Variants in RBFOX1 observed in about 807,000 individuals in gnomAD.
The protein encoded by RBFOX1 is RNA binding protein fox-1 homolog 1.
A neutral mutation model predicts 57.7 loss-of-function variants in RBFOX1; 8 were observed. The ratio of observed to expected loss-of-function variants is 0.14; its 90% CI spans 0.08 to 0.25. The LOEUF (loss-of-function observed/expected upper bound fraction) is 0.25. Among genes scored for constraint, RBFOX1 ranks in the 10% least tolerant of loss-of-function variants. RBFOX1 has a pLI of 1.00. For missense variants in RBFOX1, 611 were observed against 548.5 expected, an observed-to-expected ratio of 1.11 and a Z score of -1.14; for synonymous variants, 326 against 222.4, an observed-to-expected ratio of 1.47 and a Z score of -4.15.
At chr16:6,664,089 A>G (rs8054162) in intron 3 of RBFOX1, among the ~76,000 whole-genome samples, 82,416 of 151,960 alleles carry the variant, frequency 0.54, 22,871 homozygotes, top group African/African-American at 0.64. Flanking sequence ...TTTGTCTTAT[A>G]GAGTCTACTT....
chr16:5,315,196 C>G (rs899104558), intron 1 of RBFOX1, among the ~76,000 whole-genome samples: 4 of 152,070 alleles, frequency 2.6e-5, no homozygotes, highest in East Asian at 1.9e-4. Context: ...GGCTCTGTAC[C>G]GGAGGGAAGA....
chr16:7,440,128 T>A (rs2098755107), intron 4 of RBFOX1, among the ~76,000 whole-genome samples: 1 of 151,926 alleles, frequency 6.6e-6, no homozygotes, highest in African/African-American at 2.4e-5. Flanking sequence ...ACTCCTGGGC[T>A]CAAGAGACCT....
At chr16:5,341,544 T>C (rs1800459707) in intron 1 of RBFOX1, among the ~76,000 whole-genome samples, 1 of 152,064 alleles carries the variant, frequency 6.6e-6, no homozygotes, top group Admixed American at 6.6e-5. Context: ...ATTCCCTGAG[T>C]TTTTTTATTT....
intron 1 of RBFOX1, among the ~76,000 whole-genome samples, chr16:5,290,384 G>A (rs2063504248): frequency 6.6e-6 from 1 of 152,096 alleles, no homozygotes; most frequent in African/African-American, 2.4e-5. Flanking sequence ...GGGCTTAGTG[G>A]GAGGAGGAAA....
intron 4 of RBFOX1, among the ~76,000 whole-genome samples, chr16:7,218,563 A>G (rs993564967): frequency 2.6e-5 from 4 of 151,688 alleles, no homozygotes; most frequent in African/African-American, 9.7e-5. Context: ...AAAGAGGTAA[A>G]AAGTTTTTTT....
At chr16:6,943,490 C>G (rs887311483) in intron 3 of RBFOX1, among the ~76,000 whole-genome samples, 1 of 152,106 alleles carries the variant, frequency 6.6e-6, no homozygotes, top group Non-Finnish European at 1.5e-5. Flanking sequence ...AGGCGGATCA[C>G]AAGGTCAGGA....
chr16:6,687,483 G>T (rs1406429895), intron 3 of RBFOX1, among the ~76,000 whole-genome samples: 2 of 152,166 alleles, frequency 1.3e-5, no homozygotes, highest in Non-Finnish European at 2.9e-5. Flanking sequence ...AAACTTAAAA[G>T]TGGTGATCTC....
intron 3 of RBFOX1, among the ~76,000 whole-genome samples, chr16:5,796,618 T>A (rs2054888108): frequency 6.6e-6 from 1 of 152,206 alleles, no homozygotes; most frequent in Non-Finnish European, 1.5e-5. Context: ...TCATGAGCAC[T>A]AATTAGGCTC....
intron 3 of RBFOX1, among the ~76,000 whole-genome samples, chr16:6,861,363 C>T (rs1431807076): frequency 2.0e-5 from 3 of 151,950 alleles, no homozygotes; most frequent in African/African-American, 7.3e-5. Context: ...GATGCAGTAC[C>T]CTCAATCTAC....
At chr16:6,979,395 G>A (rs1312067378) in intron 3 of RBFOX1, among the ~76,000 whole-genome samples, 1 of 151,988 alleles carries the variant, frequency 6.6e-6, no homozygotes, top group Non-Finnish European at 1.5e-5. Context: ...TCCATTGTGC[G>A]ATAGACCCAC....
chr16:7,079,474 G>T (rs2058823958), intron 4 of RBFOX1, among the ~76,000 whole-genome samples: 1 of 152,196 alleles, frequency 6.6e-6, no homozygotes, highest in Non-Finnish European at 1.5e-5. Context: ...GCACAAGCAA[G>T]AATAGAGGGA....
intron 4 of RBFOX1, among the ~76,000 whole-genome samples, chr16:7,502,173 G>A (rs1470848887): frequency 1.3e-5 from 2 of 151,812 alleles, no homozygotes; most frequent in Non-Finnish European, 2.9e-5. Flanking sequence ...ATATTTTATC[G>A]TCTTTGCCTG....
chr16:6,303,030 A>G (rs1279223672), intron 1 of RBFOX1, among the ~76,000 whole-genome samples: 1 of 152,190 alleles, frequency 6.6e-6, no homozygotes, highest in African/African-American at 2.4e-5. Flanking sequence ...CTGTTGGGAT[A>G]TGATGCTTGA....
intron 2 of RBFOX1, among the ~76,000 whole-genome samples, chr16:5,570,463 G>C (rs567443415): frequency 2.8e-4 from 43 of 152,300 alleles, no homozygotes; most frequent in African/African-American, 8.4e-4. Context: ...CATTTGATAA[G>C]TTGTAGCCAT....
chr16:7,327,019 A>C (rs899521398), intron 4 of RBFOX1, among the ~76,000 whole-genome samples: 1 of 152,192 alleles, frequency 6.6e-6, no homozygotes, highest in Non-Finnish European at 1.5e-5. Context: ...CCTTCTCAAA[A>C]GTGTGATCAC....
chr16:6,310,403 A>G (rs1214652935), intron 1 of RBFOX1, among the ~76,000 whole-genome samples: 2 of 152,238 alleles, frequency 1.3e-5, no homozygotes, highest in African/African-American at 2.4e-5. Context: ...TGCACAGCAC[A>G]GTAAAACTTT....
At chr16:7,597,540 T>G in intron 9 of RBFOX1, 109 bp downstream of exon 9, 1 of 992,566 alleles carries the variant, frequency 1.0e-6, no homozygotes, top group Non-Finnish European at 1.5e-6. Flanking sequence ...GCATTGACAC[T>G]GTGTTTTTAC....
chr16:5,502,717 T>C (rs1440646250), intron 2 of RBFOX1, among the ~76,000 whole-genome samples: 1 of 152,140 alleles, frequency 6.6e-6, no homozygotes, highest in Non-Finnish European at 1.5e-5. Context: ...TATTGAGTTA[T>C]AGTCTGTCTG....
chr16:6,462,628 C>G (rs1010914027), intron 2 of RBFOX1, among the ~76,000 whole-genome samples: 2 of 152,010 alleles, frequency 1.3e-5, no homozygotes, highest in African/African-American at 4.8e-5. Flanking sequence ...GGCTAAAATT[C>G]TCTGAAATGA....
Sources: gnomAD v4.1 joint callset for allele counts (sites outside exome capture counted in the v4.1 genomes callset) on GRCh38, gnomAD v4.1.1 for gene constraint, MANE v1.5 for transcripts, NCBI Gene and HGNC (gene_info 2026-07-23, HGNC 2026-07-21) for gene names.